The following FBXL19 variants were observed in gnomAD, a reference collection of about 807,000 sequenced individuals.
FBXL19 encodes F-box/LRR-repeat protein 19.
In FBXL19, 16 loss-of-function variants were observed where a neutral mutation model predicts 71.2. The observed-to-expected ratio is 0.22, with a 90% CI of 0.15 to 0.34. The LOEUF is 0.34. Among genes scored for constraint, FBXL19 ranks in the 10% least tolerant of loss-of-function variants. The pLI, the probability that FBXL19 is intolerant of heterozygous loss-of-function variation, is 1.00. For missense variants in FBXL19, 658 were observed against 968.2 expected (o/e 0.68, Z 4.25); for synonymous variants, 447 against 409.4 (o/e 1.09, Z -1.11).
Position 30,924,782 on chromosome 16 carries a change from G to C in FBXL19, c.-25+323G>C, listed in dbSNP as rs756533035. 6.8e-6 allele frequency: 10 copies of C among 1,471,374 alleles called. No homozygotes were observed. In the African/African-American group the frequency reaches 1.3e-4, roughly 20 times the overall value. The allele number at this position is 1,471,374 out of a possible 1,614,324, so 91.1% of individuals were successfully genotyped here. ...GGGGAATCTGGGGTAAGACTGACTG[G>C]GAAGAGACCCTCCAGGCTTCTAATT... On this transcript the variant is annotated intron_variant, in intron 1 of 10. Transcript: ENST00000338343.
rs770391389 is a variant in FBXL19 at position 30,942,111 on chromosome 16, G to T, written c.1302-5G>T. On this transcript the variant is annotated splice_polypyrimidine_tract_variant and splice_region_variant and intron_variant, in intron 7 of 10. Transcript: ENST00000338343. This position sits in a 1 kb window ranked among gnomAD's most constrained non-coding sequence, Gnocchi z 5.7. ...AGGTCTCTGTCTCCCCCCTATGGCC[G>T]CCAGGTGCTATGACAAGCGTCTGTG... is the stretch of plus-strand genomic sequence containing the variant. 2 of 1,566,032 alleles carry T rather than the reference G, an allele frequency of 1.3e-6. No homozygotes were observed. The highest frequency in any genetic ancestry group is 1.8e-5 in the Admixed American group (1 of 55,086).
intron 6 of FBXL19, among the ~76,000 whole-genome samples, chr16:30,929,188 G>A (rs536991905): frequency 5.9e-5 from 9 of 152,336 alleles, no homozygotes; most frequent in African/African-American, 2.2e-4. Flanking sequence ...GAGTCCGCCT[G>A]ATTGGGTCCA....
rs781114898 is a variant in FBXL19, at chr16:30,930,372, C to T, written c.1089C>T (p.Ser363=). ...VRPGSGGPLL[S]WPLGPAPPPR... ...CTGGCAGTGGGGGGCCCCTACTCAG[C>T]TGGCCCCTGGGCCCAGCCCCACCAC... The change falls in exon 7 of 11, where the codon AGC becomes AGT. Residue 363 remains serine, a synonymous_variant. Coordinates refer to ENST00000338343, the MANE Select transcript of FBXL19 (RefSeq NM_001382779.1). This position sits in a 1 kb window ranked among gnomAD's most constrained non-coding sequence, Gnocchi z 8.5. The T allele has an allele frequency of 3.2e-6, 5 of 1,553,050 alleles. No individual in the cohort carries two copies. The highest frequency in any genetic ancestry group is 4.3e-6 in the Non-Finnish European group (5 of 1,154,678).
At chr16:30,932,092 C>G (rs995002956) in intron 7 of FBXL19, among the ~76,000 whole-genome samples, 1 of 152,078 alleles carries the variant, frequency 6.6e-6, no homozygotes, top group Non-Finnish European at 1.5e-5. Flanking sequence ...TCCTGTGCCT[C>G]GGTTTCTTCA....
At position 30,942,102 on chromosome 16, in the gene FBXL19, C is replaced by T. The variant is rs758766679; in HGVS notation, c.1302-14C>T. 21 of 1,555,086 alleles carry T rather than the reference C, an allele frequency of 1.4e-5. No homozygotes were observed. Among genetic ancestry groups the T allele is most frequent in the East Asian group, 4.6e-5 (2 of 43,364 alleles). ...TGAGGGCTGAGGTCTCTGTCTCCCC[C>T]CTATGGCCGCCAGGTGCTATGACAA... is the stretch of plus-strand genomic sequence containing the variant. On this transcript the variant is annotated splice_polypyrimidine_tract_variant and intron_variant, in intron 7 of 10. Transcript: ENST00000338343. The surrounding 1 kb of genome is among the most constrained non-coding windows in gnomAD (Gnocchi z 5.7).
At chr16:30,945,233 T>G (rs2055844887) in intron 9 of FBXL19, among the ~76,000 whole-genome samples, 1 of 152,144 alleles carries the variant, frequency 6.6e-6, no homozygotes, top group Non-Finnish European at 1.5e-5. Context: ...GAGTTCAGAT[T>G]CAGCATCACC....
intron 7 of FBXL19, among the ~76,000 whole-genome samples, chr16:30,938,497 T>A (rs1006249862): frequency 6.6e-6 from 1 of 152,070 alleles, no homozygotes; most frequent in African/African-American, 2.4e-5. Flanking sequence ...CAGTGAGACT[T>A]TGTCTGAAAA....
Position 30,927,589 on chromosome 16 carries a change from G to A in FBXL19, c.338G>A (p.Gly113Asp). The A allele has an allele frequency of 6.4e-7, 1 of 1,560,056 alleles. No individual in the cohort carries two copies. Among genetic ancestry groups the A allele is most frequent in the Non-Finnish European group, 8.7e-7 (1 of 1,151,960 alleles). Residue 113 changes from glycine (G) to aspartate (D), a missense_variant, in exon 4 of 11, where the codon GGT becomes GAT. Gly to Asp is a moderately conservative substitution (Grantham distance 94). Transcript: ENST00000338343. Reference sequence around the variant, plus strand: ...TGCCTACAGATGGGGAAGGCTGAGGGTGTCATCAATGCAGAGATCCCCAAC... The same window carrying A: ...TGCCTACAGATGGGGAAGGCTGAGGATGTCATCAATGCAGAGATCCCCAAC... The part of the protein sequence containing the change: ...PGCLKMGKAE[G>D]VINAEIPNCW...
chr16:30,923,253 C>G (rs752575854), upstream of FBXL19: 4 of 453,102 alleles, frequency 8.8e-6, no homozygotes, highest in Non-Finnish European at 1.8e-5. Flanking sequence ...TCATCGTTCC[C>G]TCTCCTTCTC....
intron 7 of FBXL19, among the ~76,000 whole-genome samples, chr16:30,931,192 C>T (rs2055669645): frequency 6.6e-6 from 1 of 152,104 alleles, no homozygotes; most frequent in Non-Finnish European, 1.5e-5. Context: ...CGGTCATCCT[C>T]CCGAGCCTCT....
chr16:30,947,611 G>A lies in FBXL19; in HGVS notation c.*381G>A, dbSNP rs1365140357. The A allele has an allele frequency of 3.3e-6, 1 of 304,116 alleles. No homozygotes were observed. Among genetic ancestry groups the A allele is most frequent in the African/African-American group, 2.5e-5 (1 of 40,808 alleles). 18.8% of individuals were successfully genotyped at this position (304,116 alleles called of 1,614,324 possible). A position where few individuals can be genotyped will look rare whatever the true frequency, so the allele number is the denominator to read the frequency against. ...CCAGGGGCTGGGGGAGGTGGAAGGG[G>A]CGGGGGGCGGGGCAGACAGCAGACC... On this transcript the variant is annotated 3_prime_UTR_variant, in exon 11 of 11. Transcript: ENST00000338343.
chr16:30,929,473 T>G (rs1304403323), intron 6 of FBXL19, among the ~76,000 whole-genome samples: 1 of 152,194 alleles, frequency 6.6e-6, no homozygotes, highest in Non-Finnish European at 1.5e-5. Flanking sequence ...CAAGCCAGGA[T>G]TCAAAGCAGG....
chr16:30,924,583 C>G, intron 1 of FBXL19, 124 bp downstream of exon 1: 1 of 1,352,158 alleles, frequency 7.4e-7, no homozygotes, highest in Non-Finnish European at 9.4e-7. Context: ...CCAAACTCAT[C>G]TCCAGCCCTC....
Position 30,947,392 on chromosome 16 carries a change from T to G in FBXL19, c.*162T>G. 3 of 605,128 alleles carry G rather than the reference T, an allele frequency of 5.0e-6. No homozygotes were observed. The highest frequency in any genetic ancestry group is 1.9e-5 in the African/African-American group (1 of 53,922). 37.5% of individuals were successfully genotyped at this position (605,128 alleles called of 1,614,324 possible). A position where few individuals can be genotyped will look rare whatever the true frequency, so the allele number is the denominator to read the frequency against. On this transcript the variant is annotated 3_prime_UTR_variant, in exon 11 of 11. Coordinates refer to ENST00000338343, the MANE Select transcript of FBXL19 (RefSeq NM_001382779.1). ...GGACTCAAGCCAGCCACCCCCTTCT[T>G]TCCCCCCTGCACTGATATCTCTGGG...
At chr16:30,929,632 C>T (rs777658015) in intron 6 of FBXL19, among the ~76,000 whole-genome samples, 8 of 152,286 alleles carry the variant, frequency 5.3e-5, no homozygotes, top group African/African-American at 1.9e-4. Flanking sequence ...GATCTCGGCC[C>T]GCTGAAACCT....
chr16:30,932,622 A>G (rs781063791), intron 7 of FBXL19, among the ~76,000 whole-genome samples: 12 of 152,076 alleles, frequency 7.9e-5, no homozygotes, highest in Admixed American at 2.6e-4. Context: ...GGTTTGTATG[A>G]ATACTCACCT....
intron 7 of FBXL19, among the ~76,000 whole-genome samples, chr16:30,935,896 C>T (rs1007286112): frequency 6.6e-5 from 10 of 152,142 alleles, no homozygotes; most frequent in African/African-American, 2.2e-4. Flanking sequence ...CACCTTGGCT[C>T]TTAGAGCTTT....
chr16:30,936,605 T>TC (rs911357589), intron 7 of FBXL19, among the ~76,000 whole-genome samples: 4 of 148,476 alleles, frequency 2.7e-5, no homozygotes, highest in African/African-American at 9.9e-5. Flanking sequence ...TTTTTTCTTT[T>TC]TTTTTTTTTT....
intron 7 of FBXL19, among the ~76,000 whole-genome samples, chr16:30,935,805 T>G (rs567840040): frequency 1.6e-3 from 247 of 152,128 alleles, no homozygotes; most frequent in Middle Eastern, 6.8e-3. Flanking sequence ...GAGGACTCAT[T>G]GCGGGGTGGC....
Sources: allele counts gnomAD v4.1 joint callset (sites outside exome capture counted in the v4.1 genomes callset), GRCh38; gene constraint gnomAD v4.1.1; non-coding constraint Gnocchi (gnomAD v3.1); transcripts MANE v1.5; gene names NCBI Gene and HGNC (gene_info 2026-07-23, HGNC 2026-07-21).